ARIH1: variants seen among roughly 807,000 people sequenced by gnomAD.
The protein encoded by ARIH1 is E3 ubiquitin-protein ligase ARIH1.
In ARIH1, 8 loss-of-function variants were observed where a neutral mutation model predicts 85.0. The ratio of observed to expected loss-of-function variants is 0.09; its 90% confidence interval spans 0.06 to 0.17. The LOEUF is 0.17. Among genes scored for constraint, ARIH1 ranks in the 10% least tolerant of loss-of-function variants. ARIH1 has a pLI of 1.00. For synonymous variants in ARIH1, 238 were observed against 253.6 expected, an observed-to-expected ratio of 0.94 and a Z score of 0.59; for missense variants, 311 against 718.1, an observed-to-expected ratio of 0.43 and a Z score of 6.48.
At chr15:72,579,793 A>G (rs183786054) in intron 11 of ARIH1, among the ~76,000 whole-genome samples, 4 of 152,290 alleles carry the variant, frequency 2.6e-5, no homozygotes, top group Admixed American at 2.0e-4. Flanking sequence ...TCATCAGTAA[A>G]TCAGCTTTTT....
At chr15:72,565,341 C>T (rs1324133382) in intron 7 of ARIH1, among the ~76,000 whole-genome samples, 7 of 152,122 alleles carry the variant, frequency 4.6e-5, no homozygotes, top group Admixed American at 2.0e-4. Context: ...CCACCTGCCT[C>T]GGCCCTCCCT....
At chr15:72,508,453 A>G (rs946250987) in intron 1 of ARIH1, among the ~76,000 whole-genome samples, 2 of 152,242 alleles carry the variant, frequency 1.3e-5, no homozygotes, top group Non-Finnish European at 2.9e-5. Context: ...ATAATCATAA[A>G]TTAAAAAATA....
At chr15:72,545,094 A>G (rs2064123160) in intron 3 of ARIH1, 130 bp downstream of exon 3, 1 of 757,898 alleles carries the variant, frequency 1.3e-6, no homozygotes, top group Non-Finnish European at 1.9e-6. Flanking sequence ...CTATCAATGT[A>G]TTCAGTGTGA....
rs927982812 is a variant in ARIH1 at position 72,592,495 on chromosome 15, G to A, written c.*9203G>A. The A allele has an allele frequency of 3.3e-5, 5 of 152,172 alleles. No individual in the cohort carries two copies. The highest frequency in any genetic ancestry group is 6.5e-5 in the Admixed American group (1 of 15,282). The allele number at this position is 152,172 out of a possible 1,614,324, so 9.4% of individuals were successfully genotyped here. A position where few individuals can be genotyped will look rare whatever the true frequency, so the allele number is the denominator to read the frequency against. On this transcript the variant is annotated 3_prime_UTR_variant, in exon 14 of 14. Transcript: ENST00000379887. ...GTTTGATGTTTTGACAGTTGTATAC[G>A]TCTGTGTAATAACTACCAAAAGAAG...
At chr15:72,522,604 C>A (rs574033661) in intron 2 of ARIH1, among the ~76,000 whole-genome samples, 8 of 151,688 alleles carry the variant, frequency 5.3e-5, no homozygotes, top group African/African-American at 1.9e-4. Flanking sequence ...ATAAAATAAA[C>A]CCAAAGAAAG....
chr15:72,493,750 A>G (rs1023185639), intron 1 of ARIH1, among the ~76,000 whole-genome samples: 1 of 152,204 alleles, frequency 6.6e-6, no homozygotes, highest in Admixed American at 6.5e-5. Flanking sequence ...TCTTCATTCT[A>G]TGTACAAAAC....
chr15:72,493,779 G>A (rs975617166), intron 1 of ARIH1, among the ~76,000 whole-genome samples: 1 of 152,102 alleles, frequency 6.6e-6, no homozygotes, highest in Non-Finnish European at 1.5e-5. Context: ...GAAATAAGAT[G>A]TATACTGAGC....
chr15:72,566,548 T>C lies in ARIH1; in HGVS notation c.912-15T>C. The C allele has an allele frequency of 6.2e-7, 1 of 1,609,402 alleles. No homozygotes were observed. On this transcript the variant is annotated splice_polypyrimidine_tract_variant and intron_variant, in intron 7 of 13. Transcript: ENST00000379887. ...GTAGGCCTTAATTCTATTAACTCTT[T>C]GTGTCACTTAACAGCTTTAACTGTG...
chr15:72,509,399 A>G (rs933275057), intron 1 of ARIH1, among the ~76,000 whole-genome samples: 1 of 152,150 alleles, frequency 6.6e-6, no homozygotes, highest in Non-Finnish European at 1.5e-5. Flanking sequence ...ACTGGAGCAT[A>G]CAGTTCTCTG....
intron 1 of ARIH1, among the ~76,000 whole-genome samples, chr15:72,486,229 C>G (rs921593532): frequency 2.0e-5 from 3 of 152,016 alleles, no homozygotes; most frequent in African/African-American, 7.3e-5. Context: ...GTGCAGCAGT[C>G]TGAAAATATT....
At chr15:72,512,259 C>A (rs561981971) in intron 1 of ARIH1, among the ~76,000 whole-genome samples, 22 of 151,664 alleles carry the variant, frequency 1.5e-4, no homozygotes, top group African/African-American at 4.8e-4. Flanking sequence ...TCCAGTGACA[C>A]CATTTTTGGT....
At chr15:72,490,317 C>T (rs1378885545) in intron 1 of ARIH1, among the ~76,000 whole-genome samples, 1 of 152,102 alleles carries the variant, frequency 6.6e-6, no homozygotes, top group Non-Finnish European at 1.5e-5. Flanking sequence ...AGTTCCCAAT[C>T]CTCAGGCTGT....
chr15:72,564,780 T>C (rs576041117), intron 7 of ARIH1, among the ~76,000 whole-genome samples: 22 of 152,304 alleles, frequency 1.4e-4, no homozygotes, highest in Admixed American at 9.2e-4. Flanking sequence ...CCTGCTTTTC[T>C]GGTTCATAGA....
intron 11 of ARIH1, among the ~76,000 whole-genome samples, chr15:72,577,533 C>T (rs530467566): frequency 1.0e-3 from 158 of 151,798 alleles, no homozygotes; most frequent in African/African-American, 3.5e-3. Context: ...ATTAGCTGGG[C>T]GTGGTAGCAG....
chr15:72,565,813 C>G (rs1265185692), intron 7 of ARIH1, among the ~76,000 whole-genome samples: 4 of 152,124 alleles, frequency 2.6e-5, no homozygotes, highest in Admixed American at 1.3e-4. Context: ...CCCCATCTTT[C>G]TTTTCAGAAA....
intron 1 of ARIH1, among the ~76,000 whole-genome samples, chr15:72,500,252 G>A (rs780464798): frequency 7.2e-5 from 11 of 151,890 alleles, no homozygotes; most frequent in African/African-American, 4.8e-5. Flanking sequence ...ACACCACCAC[G>A]CCCAGCTAAT....
In ARIH1 at chr15:72,485,877, G is replaced by A. The variant is rs1053344587; in HGVS notation, c.375+10863G>A. ...AATGATGGGATAAATAGAAGAATGAGAATTTATTTAGGTTGACATTATTGG... is the reference window on the plus strand; with the variant it reads ...AATGATGGGATAAATAGAAGAATGAAAATTTATTTAGGTTGACATTATTGG... On this transcript the variant is annotated intron_variant, in intron 1 of 13. Coordinates refer to ENST00000379887, the MANE Select transcript of ARIH1 (RefSeq NM_005744.5). Among the ~76,000 whole-genome samples the A allele has an allele frequency of 7.2e-5, 11 of 152,140 alleles. No homozygotes were observed. In the East Asian group the frequency reaches 2.1e-3, roughly 29 times the overall value.
intron 2 of ARIH1, among the ~76,000 whole-genome samples, chr15:72,527,098 T>C (rs1220270301): frequency 1.3e-5 from 2 of 152,228 alleles, no homozygotes; most frequent in Admixed American, 6.5e-5. Context: ...CTTGAACCTT[T>C]TCCTCCTTTC....
At chr15:72,564,799 A>C (rs1290429599) in intron 7 of ARIH1, among the ~76,000 whole-genome samples, 1 of 151,942 alleles carries the variant, frequency 6.6e-6, no homozygotes, top group African/African-American at 2.4e-5. Flanking sequence ...GATGGTGCCT[A>C]CTTGCTGGGT....
Sources: allele counts gnomAD v4.1 joint callset (sites outside exome capture counted in the v4.1 genomes callset), GRCh38; gene constraint gnomAD v4.1.1; transcripts MANE v1.5; gene names NCBI Gene and HGNC (gene_info 2026-07-23, HGNC 2026-07-21).